The following SCFD2 variants were observed in gnomAD, a reference collection of about 807,000 sequenced individuals.
The protein encoded by SCFD2 is sec1 family domain-containing protein 2.
Under a neutral mutation model 58.9 loss-of-function variants are expected in SCFD2, and 54 were observed. The observed-to-expected ratio is 0.92, with a 90% CI of 0.74 to 1.15. The LOEUF (loss-of-function observed/expected upper bound fraction) is 1.15, where lower values mean the gene tolerates loss of function less well. Among genes scored for constraint, SCFD2 ranks in the 50% most tolerant of loss-of-function variants. SCFD2 has a pLI of 0.00. For synonymous variants in SCFD2, 321 were observed against 335.9 expected (o/e 0.96, Z 0.49); for missense variants, 805 against 836.6 (o/e 0.96, Z 0.47).
intron 5 of SCFD2, among the ~76,000 whole-genome samples, chr4:53,098,841 T>C (rs1724742628): frequency 6.6e-6 from 1 of 151,984 alleles, no homozygotes; most frequent in Admixed American, 6.6e-5. Context: ...TTAACCACTA[T>C]ATGATTATTT....
intron 2 of SCFD2, among the ~76,000 whole-genome samples, chr4:53,343,589 C>T (rs1467055785): frequency 6.6e-6 from 1 of 152,180 alleles, no homozygotes; most frequent in East Asian, 1.9e-4. Flanking sequence ...GGGAATCCTC[C>T]CTCACTCATT....
intron 4 of SCFD2, among the ~76,000 whole-genome samples, chr4:53,229,019 A>T (rs1729329121): frequency 6.6e-6 from 1 of 152,158 alleles, no homozygotes; most frequent in Non-Finnish European, 1.5e-5. Flanking sequence ...TCCCATTCAC[A>T]ATTGCTTCAA....
chr4:52,879,264 T>C (rs564218259), intron 8 of SCFD2, among the ~76,000 whole-genome samples: 1 of 152,280 alleles, frequency 6.6e-6, no homozygotes, highest in Admixed American at 6.5e-5. Context: ...CCCACCAGAA[T>C]ACCTTCCACA....
intron 5 of SCFD2, among the ~76,000 whole-genome samples, chr4:52,968,725 C>T (rs970281648): frequency 2.0e-5 from 3 of 151,960 alleles, no homozygotes; most frequent in Non-Finnish European, 4.4e-5. Context: ...TGGGGATCGG[C>T]AACCAACTGT....
At chr4:53,106,311 TCTC>T (rs1482879038) in intron 5 of SCFD2, among the ~76,000 whole-genome samples, 2 of 152,090 alleles carry the variant, frequency 1.3e-5, no homozygotes, top group South Asian at 2.1e-4. Context: ...GGACACCTCT[TCTC>T]CTCCAAACGG....
chr4:53,301,645 C>CA (rs1350484276), intron 3 of SCFD2, among the ~76,000 whole-genome samples: 1 of 151,900 alleles, frequency 6.6e-6, no homozygotes, highest in Non-Finnish European at 1.5e-5. Context: ...AGAGACACAA[C>CA]AAAAAAAGGG....
At chr4:53,034,160 T>C (rs570538355) in intron 5 of SCFD2, among the ~76,000 whole-genome samples, 2 of 152,298 alleles carry the variant, frequency 1.3e-5, no homozygotes, top group East Asian at 1.9e-4. Context: ...TGATTCAACA[T>C]ATGCAAATCA....
chr4:52,972,757 A>G (rs1052581245), intron 5 of SCFD2, among the ~76,000 whole-genome samples: 24 of 152,218 alleles, frequency 1.6e-4, no homozygotes, highest in African/African-American at 7.2e-5. Flanking sequence ...AATTGACCAC[A>G]TAGTTGGAAG....
At chr4:53,241,106 A>C (rs1016678508) in intron 4 of SCFD2, among the ~76,000 whole-genome samples, 10 of 152,348 alleles carry the variant, frequency 6.6e-5, no homozygotes, top group African/African-American at 2.4e-4. Context: ...AGAAGAGGTG[A>C]GTTGAATAGG....
At chr4:53,301,801 G>A (rs1036905058) in intron 3 of SCFD2, among the ~76,000 whole-genome samples, 7 of 152,010 alleles carry the variant, frequency 4.6e-5, no homozygotes, top group Admixed American at 2.0e-4. Flanking sequence ...TTCAACATAC[G>A]AAAATCAATA....
At chr4:53,000,917 A>AC (rs1268171543) in intron 5 of SCFD2, among the ~76,000 whole-genome samples, 1 of 152,122 alleles carries the variant, frequency 6.6e-6, no homozygotes, top group Non-Finnish European at 1.5e-5. Flanking sequence ...CCAGTCCATG[A>AC]CCCGGGGGTT....
intron 6 of SCFD2, among the ~76,000 whole-genome samples, chr4:52,912,963 C>T (rs907058705): frequency 1.3e-5 from 2 of 152,186 alleles, no homozygotes; most frequent in African/African-American, 4.8e-5. Flanking sequence ...TATAGTTTGT[C>T]TCCATATTAA....
chr4:53,236,451 G>GATATATATATATATATATAT (rs146595901), intron 4 of SCFD2, among the ~76,000 whole-genome samples: 52 of 144,624 alleles, frequency 3.6e-4, no homozygotes, highest in African/African-American at 1.2e-3. Context: ...CATATATAAG[G>GATATATATATATATATATAT]ATATATATAT....
chr4:53,242,697 G>T (rs778107271), intron 4 of SCFD2, among the ~76,000 whole-genome samples: 1 of 152,148 alleles, frequency 6.6e-6, no homozygotes, highest in African/African-American at 2.4e-5. Flanking sequence ...AGATTCAGGA[G>T]AATGCTGAAA....
intron 4 of SCFD2, among the ~76,000 whole-genome samples, chr4:53,191,551 T>G: frequency 6.6e-6 from 1 of 151,752 alleles, no homozygotes; most frequent in East Asian, 2.0e-4. Context: ...GGATTACAGG[T>G]GCATGCCACC....
intron 2 of SCFD2, among the ~76,000 whole-genome samples, chr4:53,315,618 T>C (rs371133521): frequency 1.3e-5 from 2 of 152,158 alleles, no homozygotes; most frequent in African/African-American, 4.8e-5. Flanking sequence ...TTACTTAATT[T>C]CTCTAAAGCT....
At chr4:53,062,093 C>T (rs914589096) in intron 5 of SCFD2, among the ~76,000 whole-genome samples, 7 of 151,426 alleles carry the variant, frequency 4.6e-5, no homozygotes, top group African/African-American at 1.5e-4. Flanking sequence ...AATAATAGGC[C>T]GGGTGTGGTG....
At chr4:52,975,814 A>T (rs962277158) in intron 5 of SCFD2, among the ~76,000 whole-genome samples, 26 of 152,320 alleles carry the variant, frequency 1.7e-4, no homozygotes, top group African/African-American at 5.8e-4. Context: ...AAAATGTGGC[A>T]CATATACACC....
At chr4:53,149,737 G>A (rs563389438) in intron 4 of SCFD2, among the ~76,000 whole-genome samples, 1 of 152,250 alleles carries the variant, frequency 6.6e-6, no homozygotes, top group South Asian at 2.1e-4. Flanking sequence ...GTGATTTGAT[G>A]AGAATGGTGC....
Sources: gnomAD v4.1 joint callset for allele counts (sites outside exome capture counted in the v4.1 genomes callset) on GRCh38, gnomAD v4.1.1 for gene constraint, MANE v1.5 for transcripts, NCBI Gene and HGNC (gene_info 2026-07-23, HGNC 2026-07-21) for gene names.